CNNM4: variants seen among roughly 807,000 people sequenced by gnomAD.
The protein encoded by CNNM4 is metal transporter CNNM4.
In CNNM4, 32 loss-of-function variants were observed where a neutral mutation model predicts 53.7. The ratio of observed to expected loss-of-function variants is 0.60; its 90% CI spans 0.45 to 0.80. The LOEUF is 0.80. Ranked by LOEUF, CNNM4 falls within the 30% of genes least tolerant of loss-of-function variation. The pLI is 0.00. For missense variants in CNNM4, 784 were observed against 1,022.0 expected (o/e 0.77, Z 3.17); for synonymous variants, 410 against 440.0 (o/e 0.93, Z 0.85).
rs529648691 is a variant in CNNM4 at position 96,777,788 on chromosome 2, C to T, written c.1402+15387C>T. 9.5e-4 allele frequency among the ~76,000 whole-genome samples: 145 copies of T among 152,112 alleles called. 2 individuals are homozygous for T. Among genetic ancestry groups the T allele is most frequent in the African/African-American group, 3.4e-3 (140 of 41,508 alleles). On this transcript the variant is annotated intron_variant, in intron 1 of 6. Coordinates refer to ENST00000377075, the MANE Select transcript of CNNM4 (RefSeq NM_020184.4). Reference sequence around the variant, plus strand: ...AAGTGCTGGGATTACAGGAGTGAGCCACCACGCCTGGCCAACTTTGTGTAT... The same window carrying T: ...AAGTGCTGGGATTACAGGAGTGAGCTACCACGCCTGGCCAACTTTGTGTAT...
chr2:96,806,132 AC>A (rs548054282), intron 5 of CNNM4, among the ~76,000 whole-genome samples: 2 of 134,152 alleles, frequency 1.5e-5, no homozygotes, highest in Non-Finnish European at 3.1e-5. Context: ...CGGGGGGCTG[AC>A]CCCCCCACCG....
chr2:96,777,581 A>G (rs1269693873), intron 1 of CNNM4, among the ~76,000 whole-genome samples: 1 of 150,878 alleles, frequency 6.6e-6, no homozygotes, highest in Non-Finnish European at 1.5e-5. Flanking sequence ...GCTCACTGCA[A>G]CCTCCACCTC....
intron 1 of CNNM4, among the ~76,000 whole-genome samples, chr2:96,770,648 G>A (rs1374246278): frequency 6.6e-6 from 1 of 152,154 alleles, no homozygotes; most frequent in African/African-American, 2.4e-5. Context: ...ATCCCTGGGT[G>A]CCTTCTCTCT....
At chr2:96,768,158 G>A (rs1574053074) in intron 1 of CNNM4, among the ~76,000 whole-genome samples, 2 of 152,076 alleles carry the variant, frequency 1.3e-5, no homozygotes, top group African/African-American at 4.8e-5. Flanking sequence ...TTTTATTCCC[G>A]CAACAACTTT....
At chr2:96,782,688 G>C (rs558028639) in intron 1 of CNNM4, among the ~76,000 whole-genome samples, 1 of 152,216 alleles carries the variant, frequency 6.6e-6, no homozygotes, top group East Asian at 1.9e-4. Context: ...AATGATTTTA[G>C]TAGTTTGTAA....
intron 1 of CNNM4, among the ~76,000 whole-genome samples, chr2:96,790,825 A>T (rs539517007): frequency 6.6e-6 from 1 of 151,474 alleles, no homozygotes; most frequent in South Asian, 2.1e-4. Context: ...CTCTACTAAA[A>T]ATACAAAAAT....
chr2:96,799,070 T>C lies in CNNM4; in HGVS notation c.1695T>C (p.Phe565=). Residue 565 remains phenylalanine (F), a synonymous_variant, in exon 4 of 7, where the codon TTT becomes TTC. Coordinates refer to ENST00000377075, the MANE Select transcript of CNNM4 (RefSeq NM_020184.4). ...CTCCTCCTACAGAGGTCTCTCAGTT[T>C]AGCCCCTCCCTGATATCAGAGAAGA... ...HRFLATEVSQ[F]SPSLISEKIL... is the part of the protein sequence containing the mutation. The C allele has an allele frequency of 6.2e-7, 1 of 1,614,172 alleles. No homozygotes were observed. The highest frequency in any genetic ancestry group is 8.5e-7 in the Non-Finnish European group (1 of 1,180,014).
intron 5 of CNNM4, among the ~76,000 whole-genome samples, chr2:96,806,154 C>T (rs533256176): frequency 2.0e-4 from 30 of 150,736 alleles, no homozygotes; most frequent in African/African-American, 3.9e-4. Flanking sequence ...CCCTCCCGGA[C>T]GGGGCGGCTG....
intron 1 of CNNM4, among the ~76,000 whole-genome samples, chr2:96,775,228 A>G (rs1057441878): frequency 2.0e-5 from 3 of 151,916 alleles, no homozygotes; most frequent in African/African-American, 7.3e-5. Context: ...CCCTGACCCC[A>G]TGCACCCTCC....
At chr2:96,769,425 C>T (rs1428719841) in intron 1 of CNNM4, among the ~76,000 whole-genome samples, 8 of 144,320 alleles carry the variant, frequency 5.5e-5, no homozygotes, top group South Asian at 4.5e-4. Context: ...AAAAATTAGG[C>T]GTGGTGGTGG....
At chr2:96,774,421 T>G (rs1467806254) in intron 1 of CNNM4, among the ~76,000 whole-genome samples, 1 of 152,074 alleles carries the variant, frequency 6.6e-6, no homozygotes, top group Non-Finnish European at 1.5e-5. Flanking sequence ...GTTTAAAAAT[T>G]TTTTTTAAAT....
chr2:96,807,478 A>T (rs1050591329), intron 5 of CNNM4, among the ~76,000 whole-genome samples: 2 of 152,280 alleles, frequency 1.3e-5, no homozygotes, highest in Non-Finnish European at 1.5e-5. Flanking sequence ...CAAAAAAAAA[A>T]TTAGCTAGGC....
At chr2:96,803,933 C>T (rs908037298) in intron 5 of CNNM4, among the ~76,000 whole-genome samples, 1 of 152,168 alleles carries the variant, frequency 6.6e-6, no homozygotes, top group African/African-American at 2.4e-5. Context: ...CGTTCTTTCT[C>T]TGTCACCTAG....
chr2:96,762,058 C>T lies in CNNM4; in HGVS notation c.1059C>T (p.Asp353=), dbSNP rs187371920. The T allele has an allele frequency of 3.2e-4, 514 of 1,614,112 alleles. No individual in the cohort carries two copies. Among genetic ancestry groups the T allele is most frequent in the Non-Finnish European group, 4.1e-4 (486 of 1,180,030 alleles). ...EMLKVTEPYN[D]LVKEELNMIQ... is the part of the protein sequence containing the mutation. ...TGAAGGTGACGGAGCCCTATAATGA[C>T]CTCGTGAAAGAGGAGCTCAATATGA... Residue 353 remains aspartate (D), a synonymous_variant, in exon 1 of 7, where the codon GAC becomes GAT. Transcript: ENST00000377075.
At chr2:96,799,428 C>G (rs1011585358) in intron 4 of CNNM4, 124 bp from the exon 5 acceptor site, 1 of 1,110,836 alleles carries the variant, frequency 9.0e-7, no homozygotes, top group Non-Finnish European at 1.3e-6. Context: ...CCCCTGAGCT[C>G]TCCAGGGCTC....
intron 1 of CNNM4, among the ~76,000 whole-genome samples, chr2:96,796,364 C>G (rs1362182620): frequency 6.6e-6 from 1 of 151,656 alleles, no homozygotes; most frequent in Non-Finnish European, 1.5e-5. Flanking sequence ...AGGCTGGTCT[C>G]AAACTCCTGG....
intron 1 of CNNM4, among the ~76,000 whole-genome samples, chr2:96,795,931 C>G (rs564831173): frequency 1.3e-5 from 2 of 152,198 alleles, no homozygotes; most frequent in East Asian, 3.9e-4. Flanking sequence ...GAAGACCCAC[C>G]ACCCCACAGG....
intron 1 of CNNM4, among the ~76,000 whole-genome samples, chr2:96,775,478 T>C (rs956273733): frequency 2.6e-5 from 4 of 152,216 alleles, no homozygotes; most frequent in African/African-American, 9.6e-5. Flanking sequence ...AGTTTGGGAC[T>C]ATTACAAATG....
In CNNM4 at chr2:96,801,044, C is replaced by T. The variant is rs147512388; in HGVS notation, c.1948+1396C>T. On this transcript the variant is annotated intron_variant, in intron 5 of 6. Transcript: ENST00000377075. This position sits in a 1 kb window ranked among gnomAD's most constrained non-coding sequence, Gnocchi z 5.6. ...TCCGTGTCCTGTCTCCTGACTGCGC[C>T]CATCACTGACCTTCTCTTTTGCTCC... is the stretch of plus-strand genomic sequence containing the variant. The T allele has an allele frequency of 8.5e-3, 8,351 of 979,170 alleles. 38 individuals carry two copies. The highest frequency in any genetic ancestry group is 9.7e-3 in the Non-Finnish European group (7,969 of 824,170). The allele number at this position is 979,170 out of a possible 1,614,324, so 60.7% of individuals were successfully genotyped here. A position where few individuals can be genotyped will look rare whatever the true frequency, so the allele number is the denominator to read the frequency against.
Sources: allele counts gnomAD v4.1 joint callset (sites outside exome capture counted in the v4.1 genomes callset), GRCh38; gene constraint gnomAD v4.1.1; non-coding constraint Gnocchi (gnomAD v3.1); transcripts MANE v1.5; gene names NCBI Gene and HGNC (gene_info 2026-07-23, HGNC 2026-07-21).